The following WASHC4 variants were observed in gnomAD, a reference collection of about 807,000 sequenced individuals.
WASHC4 encodes WASH complex subunit 7.
Under a neutral mutation model 166.6 loss-of-function variants are expected in WASHC4, and 86 were observed. That is an observed-to-expected ratio of 0.52 (90% confidence interval 0.43 to 0.62). The LOEUF (loss-of-function observed/expected upper bound fraction) is 0.62, where lower values mean the gene tolerates loss of function less well. Ranked by LOEUF, WASHC4 falls within the 20% of genes least tolerant of loss-of-function variation. WASHC4 has a pLI of 0.00. For synonymous variants in WASHC4, 446 were observed against 451.6 expected (o/e 0.99, Z 0.16); for missense variants, 1,262 against 1,382.4 (o/e 0.91, Z 1.38).
chr12:105,127,596 T>C (rs533811360), intron 13 of WASHC4, among the ~76,000 whole-genome samples: 46 of 152,340 alleles, frequency 3.0e-4, no homozygotes, highest in Non-Finnish European at 5.3e-4. Flanking sequence ...GCAGTAGATA[T>C]CATTTGATGA....
chr12:105,167,354 G>A lies in WASHC4; in HGVS notation c.*423G>A. ...GCCAGTAAATACATGCTTAACAAAA[G>A]GAATGAGCCTGAAGTTCATAAAGAA... On this transcript the variant is annotated 3_prime_UTR_variant, in exon 33 of 33. Coordinates refer to ENST00000332180, the MANE Select transcript of WASHC4 (RefSeq NM_015275.3). The A allele has an allele frequency of 5.8e-6, 1 of 171,898 alleles. No individual in the cohort carries two copies. Among genetic ancestry groups the A allele is most frequent in the Admixed American group, 5.6e-5 (1 of 17,730 alleles). The allele number at this position is 171,898 out of a possible 1,614,324, so 10.6% of individuals were successfully genotyped here.
intron 24 of WASHC4, chr12:105,149,346 A>C (rs1457086688): frequency 9.6e-7 from 1 of 1,044,980 alleles, no homozygotes; most frequent in African/African-American, 1.7e-5. Flanking sequence ...TACAGCCCTT[A>C]GTCCTATCAT....
chr12:105,139,425 G>GTGTGTGTGTATATATATA, intron 15 of WASHC4, among the ~76,000 whole-genome samples: 15 of 103,218 alleles, frequency 1.5e-4, no homozygotes, highest in African/African-American at 5.0e-4. Context: ...ATGTGTGTGT[G>GTGTGTGTGTATATATATA]TATATATATA....
chr12:105,150,961 C>G (rs925555361), intron 25 of WASHC4, among the ~76,000 whole-genome samples: 1 of 152,018 alleles, frequency 6.6e-6, no homozygotes, highest in Non-Finnish European at 1.5e-5. Flanking sequence ...TTATCTCCAC[C>G]TGGTCCCTCT....
In WASHC4 at chr12:105,111,135, C is replaced by T. The variant is rs771724807; in HGVS notation, c.72C>T (p.Ala24=). ...AAAATTTAAACTTAGAAATTCATGC[C>T]GAAGTCCAACTTAAGAATTATGGGA... ...RVDDGSQKIH[A]EVQLKNYGKF... Residue 24 remains alanine (A), a synonymous_variant, in exon 2 of 33, where the codon GCC becomes GCT. Transcript: ENST00000332180. 23 of 1,603,248 alleles carry T rather than the reference C, an allele frequency of 1.4e-5. No homozygotes were observed. The highest frequency in any genetic ancestry group is 5.5e-5 in the South Asian group (5 of 90,872).
intron 13 of WASHC4, among the ~76,000 whole-genome samples, 164 bp downstream of exon 13, chr12:105,127,453 T>C (rs1299263449): frequency 6.6e-6 from 1 of 152,186 alleles, no homozygotes; most frequent in Admixed American, 6.5e-5. Flanking sequence ...AAGTTTTTTG[T>C]AAAGAATATT....
chr12:105,120,631 AATT>A (rs1467565450), intron 8 of WASHC4, 34 bp downstream of exon 8: 1 of 1,435,470 alleles, frequency 7.0e-7, no homozygotes, highest in East Asian at 2.3e-5. Flanking sequence ...GTAAAACTGT[AATT>A]ATTACTATAT....
chr12:105,134,719 T>C (rs1168503506), intron 14 of WASHC4, among the ~76,000 whole-genome samples: 2 of 152,012 alleles, frequency 1.3e-5, no homozygotes, highest in African/African-American at 4.8e-5. Context: ...TGGCTCCTTA[T>C]AGTTAATGTG....
chr12:105,111,156 T>G lies in WASHC4; in HGVS notation c.93T>G (p.Tyr31Ter), dbSNP rs746872657. Residue 31 changes from tyrosine to a stop codon, truncating the protein, a stop_gained, in exon 2 of 33, where the codon TAT becomes TAG. Transcript: ENST00000332180. LOFTEE classifies it high-confidence loss of function. ...KIHAEVQLKN[Y>*]GKFLEEYTSQ... ...ATGCCGAAGTCCAACTTAAGAATTA[T>G]GGGAAATTTCTTGAGGAGTATACCT... 1 of 1,607,196 alleles carries G rather than the reference T, an allele frequency of 6.2e-7. No individual in the cohort carries two copies. Among genetic ancestry groups the G allele is most frequent in the South Asian group, 1.1e-5 (1 of 90,924 alleles).
intron 10 of WASHC4, among the ~76,000 whole-genome samples, chr12:105,125,663 A>G (rs575163432): frequency 6.6e-6 from 1 of 152,272 alleles, no homozygotes; most frequent in East Asian, 1.9e-4. Context: ...GTAAGCAGAA[A>G]ACATAAATTC....
chr12:105,132,577 A>C (rs554481782), intron 13 of WASHC4, among the ~76,000 whole-genome samples: 1 of 152,336 alleles, frequency 6.6e-6, no homozygotes, highest in African/African-American at 2.4e-5. Context: ...GGAGAGATTT[A>C]GTATTTGTAA....
At chr12:105,129,835 C>G (rs1464886082) in intron 13 of WASHC4, among the ~76,000 whole-genome samples, 1 of 152,142 alleles carries the variant, frequency 6.6e-6, no homozygotes, top group Non-Finnish European at 1.5e-5. Context: ...TAATAATTGC[C>G]AACATCATGA....
At chr12:105,137,775 A>G in intron 14 of WASHC4, 111 bp from the exon 15 acceptor site, 2 of 877,368 alleles carry the variant, frequency 2.3e-6, no homozygotes, top group Non-Finnish European at 1.8e-6. Context: ...TTTAAGATGA[A>G]CTTTAGAAAC....
rs889016024 is a variant in WASHC4, at chr12:105,125,497, C to T, written c.787-507C>T. On this transcript the variant is annotated intron_variant, in intron 10 of 32. Coordinates refer to ENST00000332180, the MANE Select transcript of WASHC4 (RefSeq NM_015275.3). ...AAAGTTATATGAAGATTTTTGACTGCACGAGGGTCAGTGTCCCTAACTTTA... is the reference window on the plus strand; with the variant it reads ...AAAGTTATATGAAGATTTTTGACTGTACGAGGGTCAGTGTCCCTAACTTTA... Among the ~76,000 whole-genome samples the T allele has an allele frequency of 2.0e-5, 3 of 152,116 alleles. No individual in the cohort carries two copies. The East Asian group carries it at 5.8e-4, about 29-fold the overall frequency.
chr12:105,113,301 T>G (rs1879867889), intron 2 of WASHC4, among the ~76,000 whole-genome samples: 2 of 152,088 alleles, frequency 1.3e-5, no homozygotes, highest in South Asian at 4.1e-4. Flanking sequence ...GACTTGCTGT[T>G]GGGCTTTAAG....
intron 1 of WASHC4, among the ~76,000 whole-genome samples, chr12:105,108,324 T>A (rs1879286580): frequency 6.6e-6 from 1 of 152,222 alleles, no homozygotes; most frequent in African/African-American, 2.4e-5. Flanking sequence ...AATCAACTTT[T>A]GCAAGTTTGG....
At position 105,121,216 on chromosome 12, in the gene WASHC4, A is replaced by G; in HGVS notation, c.665+12A>G. The G allele has an allele frequency of 7.2e-7, 1 of 1,381,698 alleles. No individual in the cohort carries two copies. Among genetic ancestry groups the G allele is most frequent in the Non-Finnish European group, 1.0e-6 (1 of 970,884 alleles). The allele number at this position is 1,381,698 out of a possible 1,614,324, so 85.6% of individuals were successfully genotyped here. A position where few individuals can be genotyped will look rare whatever the true frequency, so the allele number is the denominator to read the frequency against. ...ACTATGTACAAAAGGTACACCAATT[A>G]AAATATTTTAAAATGTTTCTTACTT... On this transcript the variant is annotated intron_variant, in intron 9 of 32. Coordinates refer to ENST00000332180, the MANE Select transcript of WASHC4 (RefSeq NM_015275.3).
At chr12:105,156,144 T>C (rs1278014866) in intron 26 of WASHC4, among the ~76,000 whole-genome samples, 2 of 152,234 alleles carry the variant, frequency 1.3e-5, no homozygotes, top group Admixed American at 6.5e-5. Flanking sequence ...GGGATGACTT[T>C]AAGACATTTG....
At position 105,141,079 on chromosome 12, in the gene WASHC4, T is replaced by C. The variant is rs751584335; in HGVS notation, c.1707+34T>C. ...ATTGCTATTACTTATGGAACAGAAA[T>C]GAGATCTGAGATTTCACAGTTCCCT... On this transcript the variant is annotated intron_variant, in intron 17 of 32. Transcript: ENST00000332180. The C allele has an allele frequency of 1.1e-5, 18 of 1,612,602 alleles. No homozygotes were observed. In the South Asian group the frequency reaches 2.0e-4, roughly 18 times the overall value.
Sources: gnomAD v4.1 joint callset for allele counts (sites outside exome capture counted in the v4.1 genomes callset) on GRCh38, gnomAD v4.1.1 for gene constraint, MANE v1.5 for transcripts, NCBI Gene and HGNC (gene_info 2026-07-23, HGNC 2026-07-21) for gene names.